Variants in CLMN observed in about 807,000 individuals in gnomAD.
The protein encoded by CLMN is calmin, also known as calmin (calponin-like, transmembrane).
CLMN carries 57 observed loss-of-function variants against 92.7 expected under a neutral mutation model. The ratio of observed to expected loss-of-function variants is 0.61; its 90% CI spans 0.50 to 0.77. The LOEUF (loss-of-function observed/expected upper bound fraction) is 0.77, where lower values mean the gene tolerates loss of function less well. Among genes scored for constraint, CLMN ranks in the 30% least tolerant of loss-of-function variants. The pLI is 0.00. For synonymous variants in CLMN, 466 were observed against 470.6 expected (o/e 0.99, Z 0.13); for missense variants, 1,158 against 1,237.5 (o/e 0.94, Z 0.96).
At position 95,194,643 on chromosome 14, in the gene CLMN, C is replaced by T. The variant is rs1482965290; in HGVS notation, c.2709-47G>A. 1 of 1,582,364 alleles carries T rather than the reference C, an allele frequency of 6.3e-7. No individual in the cohort carries two copies. The highest frequency in any genetic ancestry group is 1.1e-5 in the South Asian group (1 of 90,442). Reference sequence around the variant, plus strand: ...TGAATTGGTACCACCTGGAGCTCTTCATGGCTCAGTTGTACGGTCACCCCC... The same window carrying T: ...TGAATTGGTACCACCTGGAGCTCTTTATGGCTCAGTTGTACGGTCACCCCC... On this transcript the variant is annotated intron_variant, in intron 10 of 12. Transcript: ENST00000298912. This position sits in a 1 kb window ranked among gnomAD's most constrained non-coding sequence, Gnocchi z 4.0.
chr14:95,245,259 ATATATATATAT>A (rs1898494597), intron 1 of CLMN, among the ~76,000 whole-genome samples: 1 of 41,758 alleles, frequency 2.4e-5, no homozygotes, highest in Non-Finnish European at 3.8e-5. Flanking sequence ...TATATAATAT[ATATATATATAT>A]TATATATATA....
At chr14:95,205,981 T>G (rs1011519845) in intron 8 of CLMN, among the ~76,000 whole-genome samples, 4 of 152,024 alleles carry the variant, frequency 2.6e-5, no homozygotes, top group Non-Finnish European at 5.9e-5. Context: ...GTATGAAAAA[T>G]GTACTGATTA....
chr14:95,251,598 C>T (rs1454650624), intron 1 of CLMN, among the ~76,000 whole-genome samples: 1 of 152,162 alleles, frequency 6.6e-6, no homozygotes, highest in Non-Finnish European at 1.5e-5. Context: ...ATTATTATCT[C>T]TGTTTTGTAG....
At chr14:95,209,360 G>A (rs1447486078) in intron 8 of CLMN, 35 bp downstream of exon 8, 2 of 1,588,272 alleles carry the variant, frequency 1.3e-6, no homozygotes, top group Non-Finnish European at 1.7e-6. Context: ...GGAAATGTAT[G>A]GTGTCGGAAT....
At chr14:95,318,645 G>C (rs1566930169) in intron 1 of CLMN, among the ~76,000 whole-genome samples, 2 of 152,098 alleles carry the variant, frequency 1.3e-5, no homozygotes, top group Non-Finnish European at 2.9e-5. Flanking sequence ...AGGCCTCCCA[G>C]CTCGCTCCTA....
rs1193740039 is a variant in CLMN at position 95,189,064 on chromosome 14, C to G, written c.*2500G>C. ...AGAAAGGACATGTAACCATAACACA[C>G]TGCTGGGCTTGGGAGTCAACAATCC... On this transcript the variant is annotated 3_prime_UTR_variant, in exon 13 of 13. Transcript: ENST00000298912. 6.6e-6 allele frequency: 1 copy of G among 151,356 alleles called. No homozygotes were observed. Among genetic ancestry groups the G allele is most frequent in the Non-Finnish European group, 1.5e-5 (1 of 67,950 alleles). 9.4% of individuals were successfully genotyped at this position (151,356 alleles called of 1,614,324 possible).
chr14:95,285,507 G>T (rs769423493), intron 1 of CLMN, among the ~76,000 whole-genome samples: 1 of 152,170 alleles, frequency 6.6e-6, no homozygotes, highest in Non-Finnish European at 1.5e-5. Flanking sequence ...TGGGCCTCTG[G>T]AGAAGCAGTG....
At position 95,203,416 on chromosome 14, in the gene CLMN, C is replaced by T. The variant is rs781736842; in HGVS notation, c.1933G>A (p.Ala645Thr). ...TTATCCACTGGTGTCTCTTCTGGGG[C>T]TGAAGGACAGCCTTCAGCTTCTTCT... The part of the protein sequence containing the change: ...SGEEAEGCPS[A>T]PEETPVDKKP... The change falls in exon 9 of 13, where the codon GCC (alanine) becomes ACC (threonine). Residue 645 changes from alanine to threonine, a missense_variant. Physicochemically the swap from Ala to Thr is moderately conservative, Grantham distance 58. Transcript: ENST00000298912. 5 of 1,614,168 alleles carry T rather than the reference C, an allele frequency of 3.1e-6. No individual in the cohort carries two copies. Among genetic ancestry groups the T allele is most frequent in the Non-Finnish European group, 4.2e-6 (5 of 1,180,028 alleles).
At chr14:95,309,230 G>A (rs1901421940) in intron 1 of CLMN, among the ~76,000 whole-genome samples, 1 of 152,180 alleles carries the variant, frequency 6.6e-6, no homozygotes, top group East Asian at 1.9e-4. Flanking sequence ...CCAAAAGTCG[G>A]AAACTGTCTA....
chr14:95,300,312 G>T (rs1900992250), intron 1 of CLMN, among the ~76,000 whole-genome samples: 1 of 152,230 alleles, frequency 6.6e-6, no homozygotes, highest in African/African-American at 2.4e-5. Flanking sequence ...CCAACTCTGT[G>T]GGCTGGTGTC....
intron 1 of CLMN, among the ~76,000 whole-genome samples, chr14:95,245,212 A>ATATATATATAT (rs1566890960): frequency 0.011 from 353 of 30,938 alleles, 15 homozygotes; most frequent in Non-Finnish European, 0.015. Context: ...TATATATTAT[A>ATATATATATAT]TATATATATA....
At chr14:95,262,249 G>A (rs911851665) in intron 1 of CLMN, among the ~76,000 whole-genome samples, 6 of 152,188 alleles carry the variant, frequency 3.9e-5, no homozygotes, top group African/African-American at 1.4e-4. Context: ...TACCTGCGCT[G>A]GGGTTCACTG....
At chr14:95,196,742 G>A (rs770266916) in intron 9 of CLMN, 48 bp from the exon 10 acceptor site, 6 of 1,567,944 alleles carry the variant, frequency 3.8e-6, no homozygotes, top group Non-Finnish European at 5.2e-6. Context: ...ACGCTGCAGT[G>A]TAAAGTAGGT....
At position 95,194,324 on chromosome 14, in the gene CLMN, A is replaced by T; in HGVS notation, c.2769+212T>A. On this transcript the variant is annotated intron_variant, in intron 11 of 12. Transcript: ENST00000298912. The surrounding 1 kb of genome is among the most constrained non-coding windows in gnomAD (Gnocchi z 4.0). ...TATAGCAAGGAGGCCTTTGGGCTTTAAAATCCTCACTTTATTTACATCTCT... is the reference window on the plus strand; with the variant it reads ...TATAGCAAGGAGGCCTTTGGGCTTTTAAATCCTCACTTTATTTACATCTCT... 7.0e-7 allele frequency: 1 copy of T among 1,423,334 alleles called. No homozygotes were observed. Among genetic ancestry groups the T allele is most frequent in the Non-Finnish European group, 9.2e-7 (1 of 1,092,754 alleles). The allele number at this position is 1,423,334 out of a possible 1,614,324, so 88.2% of individuals were successfully genotyped here.
intron 1 of CLMN, chr14:95,307,559 G>A (rs1029617855): frequency 6.6e-6 from 1 of 152,226 alleles, no homozygotes. Flanking sequence ...CAGCAATCAC[G>A]TGCCACTTCA....
intron 1 of CLMN, among the ~76,000 whole-genome samples, chr14:95,275,241 G>A (rs942364943): frequency 1.3e-5 from 2 of 152,104 alleles, no homozygotes; most frequent in Non-Finnish European, 2.9e-5. Flanking sequence ...ATTGCCCTGA[G>A]GTTAGGCATT....
Position 95,204,444 on chromosome 14 carries a change from T to A in CLMN, c.905A>T (p.Asp302Val), listed in dbSNP as rs1489370919. 1.9e-6 allele frequency: 3 copies of A among 1,566,488 alleles called. No individual in the cohort carries two copies. Among genetic ancestry groups the A allele is most frequent in the South Asian group, 2.4e-5 (2 of 83,826 alleles). Residue 302 changes from aspartate to valine, a missense_variant, in exon 9 of 13, where the codon GAT becomes GTT. Asp to Val is a radical substitution (Grantham distance 152). Coordinates refer to ENST00000298912, the MANE Select transcript of CLMN (RefSeq NM_024734.4). ...ELEAEDIFDSDKEVPIESTFV... is the reference protein window; with the variant it reads ...ELEAEDIFDSVKEVPIESTFV... ...AGTGGATTCGATAGGAACTTCTTTA[T>A]CTGAATCGAAAATATCTTCCTGCAA...
intron 1 of CLMN, among the ~76,000 whole-genome samples, chr14:95,285,596 T>C (rs1900311201): frequency 2.0e-5 from 3 of 152,146 alleles, no homozygotes; most frequent in Non-Finnish European, 4.4e-5. Context: ...CCTAGACACG[T>C]ATGACAGGCC....
chr14:95,254,766 CG>C (rs1166947752), intron 1 of CLMN, among the ~76,000 whole-genome samples: 4 of 152,144 alleles, frequency 2.6e-5, no homozygotes, highest in African/African-American at 9.7e-5. Context: ...GGTGCAATTA[CG>C]GCTCACTGCA....
Sources: allele counts gnomAD v4.1 joint callset (sites outside exome capture counted in the v4.1 genomes callset), GRCh38; gene constraint gnomAD v4.1.1; non-coding constraint Gnocchi (gnomAD v3.1); transcripts MANE v1.5; gene names NCBI Gene and HGNC (gene_info 2026-07-23, HGNC 2026-07-21).